Variants in SLC71A2 observed in about 807,000 individuals in gnomAD.
The protein encoded by SLC71A2 is hippocampus abundant transcript-like 1.
At chr9:94,411,062 T>G in the SLC71A2 span, among the ~76,000 whole-genome samples, 1 of 152,066 alleles carries the variant, frequency 6.6e-6, no homozygotes, top group Non-Finnish European at 1.5e-5. Context: ...ATTAAAAAAT[T>G]ATTATGCAGT....
At chr9:94,454,298 T>C in the SLC71A2 span, among the ~76,000 whole-genome samples, 5 of 152,332 alleles carry the variant, frequency 3.3e-5, no homozygotes, top group South Asian at 2.1e-4. Context: ...TGTTCCTTAA[T>C]TGAATGTATC....
At chr9:94,453,839 G>A in the SLC71A2 span, 1 of 690,912 alleles carries the variant, frequency 1.4e-6, no homozygotes, top group Non-Finnish European at 2.6e-6. Flanking sequence ...GAGGTTGCAG[G>A]TCAGGCAGTG....
the SLC71A2 span, among the ~76,000 whole-genome samples, chr9:94,452,680 TATATTCATATATATTC>T: frequency 6.4e-4 from 80 of 125,736 alleles, no homozygotes; most frequent in African/African-American, 2.0e-3. Flanking sequence ...TATATATTCA[TATATTCATATATATTC>T]ATATATTCAT....
At chr9:94,395,304 A>C in the SLC71A2 span, among the ~76,000 whole-genome samples, 1 of 152,182 alleles carries the variant, frequency 6.6e-6, no homozygotes, top group Non-Finnish European at 1.5e-5. Flanking sequence ...AGTACAGTAG[A>C]GTCAACAGTT....
the SLC71A2 span, among the ~76,000 whole-genome samples, chr9:94,449,819 G>A: frequency 6.6e-6 from 1 of 152,166 alleles, no homozygotes; most frequent in Non-Finnish European, 1.5e-5. Context: ...CAACTCAAAT[G>A]TCTATCAGCT....
chr9:94,443,487 T>C, the SLC71A2 span, among the ~76,000 whole-genome samples: 3 of 152,226 alleles, frequency 2.0e-5, no homozygotes, highest in Non-Finnish European at 4.4e-5. Context: ...AAGAAAGTGG[T>C]AATTCTTTCA....
chr9:94,387,199 TA>T, the SLC71A2 span, among the ~76,000 whole-genome samples: 6 of 152,126 alleles, frequency 3.9e-5, no homozygotes, highest in African/African-American at 1.4e-4. Context: ...ATGTATGATG[TA>T]AAAAAGTTTT....
At chr9:94,423,319 G>T in the SLC71A2 span, among the ~76,000 whole-genome samples, 44 of 70,594 alleles carry the variant, frequency 6.2e-4, no homozygotes, top group African/African-American at 6.2e-3. Flanking sequence ...TAAATTTCAG[G>T]ATCTAAAAAA....
the SLC71A2 span, among the ~76,000 whole-genome samples, chr9:94,427,195 T>C: frequency 6.6e-6 from 1 of 152,248 alleles, no homozygotes; most frequent in South Asian, 2.1e-4. Flanking sequence ...TATGTTTTAT[T>C]TACAACTGCT....
At chr9:94,454,398 C>G in the SLC71A2 span, among the ~76,000 whole-genome samples, 1 of 152,150 alleles carries the variant, frequency 6.6e-6, no homozygotes, top group South Asian at 2.1e-4. Flanking sequence ...GACGGAGTCT[C>G]ACTCTGTTGC....
chr9:94,399,394 G>T, the SLC71A2 span, among the ~76,000 whole-genome samples: 2 of 151,900 alleles, frequency 1.3e-5, no homozygotes, highest in Non-Finnish European at 2.9e-5. Flanking sequence ...TTTCTTTCAG[G>T]CTCTTTCAGC....
At chr9:94,447,201 C>T in the SLC71A2 span, among the ~76,000 whole-genome samples, 8 of 147,500 alleles carry the variant, frequency 5.4e-5, no homozygotes, top group Non-Finnish European at 7.4e-5. Flanking sequence ...TTTTTTGAGA[C>T]GGAGTTTTGC....
the SLC71A2 span, chr9:94,415,173 C>T: frequency 3.1e-6 from 5 of 1,613,352 alleles, no homozygotes; most frequent in South Asian, 1.1e-5. Context: ...AGGCTTTGGC[C>T]GACCAAGTGT....
chr9:94,414,356 CATT>C, the SLC71A2 span, among the ~76,000 whole-genome samples: 1 of 152,128 alleles, frequency 6.6e-6, no homozygotes, highest in African/African-American at 2.4e-5. Context: ...GGTGCAAAGA[CATT>C]ATTGCACACT....
chr9:94,446,861 A>C, the SLC71A2 span: 4 of 1,612,138 alleles, frequency 2.5e-6, no homozygotes, highest in Non-Finnish European at 3.4e-6. Flanking sequence ...CTGTCTTACT[A>C]ATCTGCATCA....
the SLC71A2 span, among the ~76,000 whole-genome samples, chr9:94,451,747 G>A: frequency 1.3e-5 from 2 of 152,180 alleles, no homozygotes; most frequent in African/African-American, 2.4e-5. Context: ...TATATAATGT[G>A]TAGAGGTTAT....
chr9:94,388,961 C>T, the SLC71A2 span, among the ~76,000 whole-genome samples: 1,164 of 152,266 alleles, frequency 7.6e-3, 18 homozygotes, highest in African/African-American at 0.027. Context: ...ACCTATCTTC[C>T]GTCCTTCGCC....
At chr9:94,413,380 G>A in the SLC71A2 span, among the ~76,000 whole-genome samples, 1 of 152,068 alleles carries the variant, frequency 6.6e-6, no homozygotes, top group Non-Finnish European at 1.5e-5. Flanking sequence ...GGATATACAG[G>A]AACTCTTGGT....
At chr9:94,385,629 TC>T in the SLC71A2 span, among the ~76,000 whole-genome samples, 1 of 152,162 alleles carries the variant, frequency 6.6e-6, no homozygotes, top group African/African-American at 2.4e-5. Flanking sequence ...AAGAGACCAT[TC>T]TTTTATGGCA....
Sources: allele counts gnomAD v4.1 joint callset (sites outside exome capture counted in the v4.1 genomes callset), GRCh38; gene constraint gnomAD v4.1.1; transcripts MANE v1.5; gene names NCBI Gene and HGNC (gene_info 2026-07-23, HGNC 2026-07-21).